Variants in EDN3 observed in about 807,000 individuals in gnomAD.
EDN3 encodes endothelin 3, also known as endothelin-3.
Under a neutral mutation model 21.4 loss-of-function variants are expected in EDN3, and 9 were observed. That is an observed-to-expected ratio of 0.42 (90% CI 0.25 to 0.73). EDN3 has a LOEUF of 0.73. EDN3 is among the 30% of genes least tolerant of loss of function. The pLI, the probability that EDN3 is intolerant of heterozygous loss-of-function variation, is 0.26. For synonymous variants in EDN3, 133 were observed against 126.2 expected (o/e 1.05, Z -0.36); for missense variants, 327 against 309.4 (o/e 1.06, Z -0.43).
intron 2 of EDN3, among the ~76,000 whole-genome samples, chr20:59,310,531 G>A (rs1989730103): frequency 6.6e-6 from 1 of 152,106 alleles, no homozygotes; most frequent in East Asian, 1.9e-4. Flanking sequence ...TTTCTCATCT[G>A]CCCCACCTCA....
intron 1 of EDN3, 104 bp downstream of exon 1, chr20:59,300,968 C>G: frequency 1.4e-6 from 2 of 1,379,670 alleles, no homozygotes; most frequent in African/African-American, 1.4e-5. Context: ...GGGGAGCAAA[C>G]TCTTGCCTGG....
At chr20:59,301,171 C>A (rs560177159) in intron 1 of EDN3, among the ~76,000 whole-genome samples, 1 of 152,354 alleles carries the variant, frequency 6.6e-6, no homozygotes, top group South Asian at 2.1e-4. Context: ...CTGTGCCAAA[C>A]CCTGGCAAAG....
At chr20:59,312,269 A>G (rs1989881434) in intron 2 of EDN3, among the ~76,000 whole-genome samples, 1 of 152,118 alleles carries the variant, frequency 6.6e-6, no homozygotes, top group Admixed American at 6.5e-5. Context: ...AACTCGTTTG[A>G]TGCATTTTGG....
chr20:59,303,102 G>C (rs1044653597), intron 2 of EDN3, among the ~76,000 whole-genome samples: 2 of 152,166 alleles, frequency 1.3e-5, no homozygotes, highest in Non-Finnish European at 2.9e-5. Context: ...ACTCTGGCTC[G>C]GCTTAAAGTC....
rs1003376511 is a variant in EDN3 at position 59,312,035 on chromosome 20, AT to A, written c.366-8974del. On this transcript the variant is annotated intron_variant, in intron 2 of 4. Coordinates refer to ENST00000337938, the MANE Select transcript of EDN3 (RefSeq NM_207034.3). The stretch of plus-strand genomic sequence containing the variant: ...TCAAAGCATGTATCATGGTGTCGGC[AT>A]TTTTTTTAATCCCTTTGCACATAAC... 5.3e-4 allele frequency among the ~76,000 whole-genome samples: 77 copies of A among 144,522 alleles called. 1 individual carries two copies. The highest frequency in any genetic ancestry group is 3.4e-3 in the Middle Eastern group (1 of 290). The allele number at this position is 144,522 out of a possible 152,430, so 94.8% of individuals were successfully genotyped here.
chr20:59,302,887 C>T (rs1160607819), intron 2 of EDN3, among the ~76,000 whole-genome samples: 1 of 152,146 alleles, frequency 6.6e-6, no homozygotes, highest in Non-Finnish European at 1.5e-5. Context: ...GGCTCACTTA[C>T]CTACCTTGTG....
chr20:59,316,827 A>G (rs1476643783), intron 2 of EDN3, among the ~76,000 whole-genome samples: 1 of 152,230 alleles, frequency 6.6e-6, no homozygotes, highest in Non-Finnish European at 1.5e-5. Flanking sequence ...TTGAGTGATA[A>G]TTTATTGGAT....
chr20:59,320,957 G>T, intron 2 of EDN3, 60 bp from the exon 3 acceptor site: 1 of 1,600,584 alleles, frequency 6.2e-7, no homozygotes. Context: ...CCACACCCTT[G>T]GGGGCCCCTG....
chr20:59,310,973 C>G (rs972023767), intron 2 of EDN3, among the ~76,000 whole-genome samples: 1 of 152,024 alleles, frequency 6.6e-6, no homozygotes, highest in Non-Finnish European at 1.5e-5. Context: ...CCCTCATGTA[C>G]AAACTTTCAG....
chr20:59,316,957 A>G (rs1340210849), intron 2 of EDN3, among the ~76,000 whole-genome samples: 1 of 152,220 alleles, frequency 6.6e-6, no homozygotes, highest in Non-Finnish European at 1.5e-5. Flanking sequence ...TTTGTTTTAT[A>G]ACTGAGACAT....
chr20:59,318,966 G>A (rs1214371935), intron 2 of EDN3, among the ~76,000 whole-genome samples: 1 of 152,168 alleles, frequency 6.6e-6, no homozygotes, highest in African/African-American at 2.4e-5. Context: ...ATGTGGCCCT[G>A]TTACTGGAAA....
chr20:59,308,746 C>A (rs895578759), intron 2 of EDN3, among the ~76,000 whole-genome samples: 12 of 152,216 alleles, frequency 7.9e-5, no homozygotes, highest in African/African-American at 2.9e-4. Context: ...ACCTCCAGCC[C>A]TGCAGAAGCC....
chr20:59,301,229 T>C (rs11570256), intron 1 of EDN3, among the ~76,000 whole-genome samples, 181 bp from the exon 2 acceptor site: 2,501 of 152,356 alleles, frequency 0.016, 53 homozygotes, highest in Middle Eastern at 0.11. Context: ...CGGGTGCAGA[T>C]AGCTTGCAAG....
chr20:59,320,632 C>A (rs1990473128), intron 2 of EDN3, among the ~76,000 whole-genome samples: 1 of 152,240 alleles, frequency 6.6e-6, no homozygotes, highest in Admixed American at 6.5e-5. Context: ...GAAAGCCCAC[C>A]CATGTTCACA....
At chr20:59,303,333 CAGAT>C (rs1236214801) in intron 2 of EDN3, among the ~76,000 whole-genome samples, 1 of 152,192 alleles carries the variant, frequency 6.6e-6, no homozygotes, top group Non-Finnish European at 1.5e-5. Flanking sequence ...CTCTTATCCT[CAGAT>C]AGCGAGGGGA....
At chr20:59,313,306 C>A (rs1234369044) in intron 2 of EDN3, among the ~76,000 whole-genome samples, 2 of 152,328 alleles carry the variant, frequency 1.3e-5, no homozygotes, top group Non-Finnish European at 1.5e-5. Context: ...GGGGCAGACA[C>A]AACCAGTGGC....
intron 2 of EDN3, among the ~76,000 whole-genome samples, chr20:59,314,733 A>C (rs1990067930): frequency 6.6e-6 from 1 of 152,118 alleles, no homozygotes; most frequent in Non-Finnish European, 1.5e-5. Context: ...TAATTCTCCA[A>C]AGAGAAGGTG....
chr20:59,322,597 G>C lies in EDN3; in HGVS notation c.588+180G>C. On this transcript the variant is annotated intron_variant, in intron 4 of 4. Coordinates refer to ENST00000337938, the MANE Select transcript of EDN3 (RefSeq NM_207034.3). This position sits in a 1 kb window ranked among gnomAD's most constrained non-coding sequence, Gnocchi z 4.1. The stretch of plus-strand genomic sequence containing the variant: ...TGCCTTTGGTGGACCGTTTCTGGGG[G>C]CAGAGCGGGCTGAAGCTGTGGACAG... The C allele has an allele frequency of 1.2e-6, 1 of 846,386 alleles. No homozygotes were observed. Among genetic ancestry groups the C allele is most frequent in the South Asian group, 1.5e-5 (1 of 66,648 alleles). The allele number at this position is 846,386 out of a possible 1,614,324, so 52.4% of individuals were successfully genotyped here.
chr20:59,300,681 G>T lies in EDN3; in HGVS notation c.-132G>T. On this transcript the variant is annotated 5_prime_UTR_variant, in exon 1 of 5. Transcript: ENST00000337938. ...CCAACTCCTGGCCGGAGCTGGAGAC[G>T]CAGCGAGCGATCGGCCGGCCTCGAA... is the stretch of plus-strand genomic sequence containing the variant. The T allele has an allele frequency of 8.2e-6, 7 of 854,710 alleles. No individual in the cohort carries two copies. In the South Asian group the frequency reaches 1.1e-4, roughly 14 times the overall value. 52.9% of individuals were successfully genotyped at this position (854,710 alleles called of 1,614,324 possible). A position where few individuals can be genotyped will look rare whatever the true frequency, so the allele number is the denominator to read the frequency against.
Sources: allele counts gnomAD v4.1 joint callset (sites outside exome capture counted in the v4.1 genomes callset), GRCh38; gene constraint gnomAD v4.1.1; non-coding constraint Gnocchi (gnomAD v3.1); transcripts MANE v1.5; gene names NCBI Gene and HGNC (gene_info 2026-07-23, HGNC 2026-07-21).